RGS7BP: variants seen among roughly 807,000 people sequenced by gnomAD.
RGS7BP encodes regulator of G protein signaling 7 binding protein.
Under a neutral mutation model 31.3 loss-of-function variants are expected in RGS7BP, and 9 were observed. That is an observed-to-expected ratio of 0.29 (90% CI 0.17 to 0.50). RGS7BP has a LOEUF of 0.50. Among genes scored for constraint, RGS7BP ranks in the 20% least tolerant of loss-of-function variants. RGS7BP has a pLI of 0.98. For synonymous variants in RGS7BP, 115 were observed against 120.1 expected (o/e 0.96, Z 0.28); for missense variants, 274 against 322.0 (o/e 0.85, Z 1.14).
chr5:64,559,930 G>A (rs1054420683), intron 2 of RGS7BP, among the ~76,000 whole-genome samples: 12 of 152,062 alleles, frequency 7.9e-5, no homozygotes, highest in Non-Finnish European at 1.2e-4. Flanking sequence ...CAAAATCCTG[G>A]AAAAACACTC....
chr5:64,556,225 GCACTTTC>G (rs1741919241), intron 2 of RGS7BP, among the ~76,000 whole-genome samples: 1 of 151,526 alleles, frequency 6.6e-6, no homozygotes, highest in African/African-American at 2.4e-5. Context: ...AATTAAATTT[GCACTTTC>G]CTGATTACTA....
intron 2 of RGS7BP, among the ~76,000 whole-genome samples, chr5:64,538,518 C>A (rs1369661779): frequency 1.7e-5 from 1 of 60,572 alleles, no homozygotes; most frequent in Non-Finnish European, 3.5e-5. Flanking sequence ...TTTTTTTTTC[C>A]TTTTCTTTTC....
Position 64,569,812 on chromosome 5 carries a change from G to A in RGS7BP, c.333-5962G>A, listed in dbSNP as rs565666885. 9.6e-4 allele frequency among the ~76,000 whole-genome samples: 146 copies of A among 152,306 alleles called. 1 individual carries two copies. Among genetic ancestry groups the A allele is most frequent in the African/African-American group, 3.3e-3 (136 of 41,584 alleles). ...CCTGGAGCTCACTCTCCTTGGAGAAGTCATTTAATCCCTTTTCTTCCTATT... is the reference window on the plus strand; with the variant it reads ...CCTGGAGCTCACTCTCCTTGGAGAAATCATTTAATCCCTTTTCTTCCTATT... On this transcript the variant is annotated intron_variant, in intron 2 of 5. Coordinates refer to ENST00000334025, the MANE Select transcript of RGS7BP (RefSeq NM_001029875.3).
chr5:64,530,379 A>T (rs1210549824), intron 2 of RGS7BP, among the ~76,000 whole-genome samples: 1 of 152,238 alleles, frequency 6.6e-6, no homozygotes, highest in Non-Finnish European at 1.5e-5. Context: ...ATTGGCCTAG[A>T]ATGACAAAAA....
rs370389158 is a variant in RGS7BP, at chr5:64,565,197, T to C, written c.333-10577T>C. On this transcript the variant is annotated intron_variant, in intron 2 of 5. Transcript: ENST00000334025. ...GCTAGGCACTGTTATCCTCAATTTA[T>C]AGATAAGAAAACTAAGACTCAGGAG... Among the ~76,000 whole-genome samples, 37 of 152,186 alleles carry C rather than the reference T, an allele frequency of 2.4e-4. 1 individual carries two copies. The East Asian group carries it at 3.3e-3, about 14-fold the overall frequency.
rs2111991270 is a variant in RGS7BP at position 64,609,543 on chromosome 5, A to T, written c.*291A>T. ...CGCCATGACAGATGCAAGAATTATG[A>T]TTTTTAAATTATTTAAAGGTTTTTT... On this transcript the variant is annotated 3_prime_UTR_variant, in exon 6 of 6. Coordinates refer to ENST00000334025, the MANE Select transcript of RGS7BP (RefSeq NM_001029875.3). 3 of 327,352 alleles carry T rather than the reference A, an allele frequency of 9.2e-6. No individual in the cohort carries two copies. In the South Asian group the frequency reaches 1.5e-4, roughly 17 times the overall value. 20.3% of individuals were successfully genotyped at this position (327,352 alleles called of 1,614,324 possible). A position where few individuals can be genotyped will look rare whatever the true frequency, so the allele number is the denominator to read the frequency against.
chr5:64,602,147 G>C (rs1354874715), intron 5 of RGS7BP, among the ~76,000 whole-genome samples: 1 of 152,136 alleles, frequency 6.6e-6, no homozygotes, highest in Non-Finnish European at 1.5e-5. Flanking sequence ...ATCCAGAACC[G>C]AACCTGGCTG....
chr5:64,597,191 A>G (rs943115824), intron 4 of RGS7BP, among the ~76,000 whole-genome samples: 1 of 151,812 alleles, frequency 6.6e-6, no homozygotes, highest in East Asian at 1.9e-4. Flanking sequence ...TGTAGGGACA[A>G]TTGTCCCAAG....
intron 2 of RGS7BP, among the ~76,000 whole-genome samples, chr5:64,509,539 G>A (rs1748777401): frequency 6.6e-6 from 1 of 152,114 alleles, no homozygotes; most frequent in Admixed American, 6.5e-5. Context: ...AGTTGAGTTT[G>A]GAGGATTTCA....
intron 2 of RGS7BP, among the ~76,000 whole-genome samples, chr5:64,526,259 G>A (rs908283682): frequency 3.9e-5 from 6 of 152,186 alleles, no homozygotes; most frequent in African/African-American, 1.4e-4. Flanking sequence ...TTGTACAAAT[G>A]TAAGTTTGCT....
chr5:64,508,632 T>C (rs1202295287), intron 2 of RGS7BP, among the ~76,000 whole-genome samples: 1 of 152,244 alleles, frequency 6.6e-6, no homozygotes, highest in East Asian at 1.9e-4. Context: ...TAACAGTTCC[T>C]ATTTTCAAGA....
chr5:64,605,525 AG>A (rs1054151973), intron 5 of RGS7BP, among the ~76,000 whole-genome samples: 2 of 152,094 alleles, frequency 1.3e-5, no homozygotes, highest in African/African-American at 4.8e-5. Flanking sequence ...ATTTCCTTGG[AG>A]CTGAATTCAC....
At chr5:64,597,837 C>T (rs937311289) in intron 4 of RGS7BP, among the ~76,000 whole-genome samples, 5 of 152,060 alleles carry the variant, frequency 3.3e-5, no homozygotes, top group African/African-American at 1.2e-4. Flanking sequence ...ACAGACTTCA[C>T]CACTATGCAA....
Position 64,506,769 on chromosome 5 carries a change from G to A in RGS7BP, c.145G>A (p.Ala49Thr), listed in dbSNP as rs1378014144. ...GSESAHKTQR[A>T]LDDCKMLVQE... Reference sequence around the variant, plus strand: ...CGAGAGCGCCCACAAAACCCAACGAGCCCTGGACGACTGCAAGATGGTGGG... The same window carrying A: ...CGAGAGCGCCCACAAAACCCAACGAACCCTGGACGACTGCAAGATGGTGGG... The change falls in exon 1 of 6, where the codon GCC becomes ACC. Residue 49 changes from alanine to threonine, a missense_variant. Transcript: ENST00000334025. The surrounding 1 kb of genome is among the most constrained non-coding windows in gnomAD (Gnocchi z 4.6). 6.3e-6 allele frequency: 10 copies of A among 1,596,548 alleles called. No homozygotes were observed. Among genetic ancestry groups the A allele is most frequent in the African/African-American group, 1.4e-5 (1 of 74,050 alleles).
intron 2 of RGS7BP, among the ~76,000 whole-genome samples, chr5:64,522,826 G>A (rs1304614707): frequency 6.6e-6 from 1 of 152,182 alleles, no homozygotes; most frequent in Non-Finnish European, 1.5e-5. Context: ...TGTGAAGCGA[G>A]TTCAGATATC....
At chr5:64,575,934 T>A in intron 3 of RGS7BP, 30 bp downstream of exon 3, 1 of 1,593,804 alleles carries the variant, frequency 6.3e-7, no homozygotes, top group South Asian at 1.1e-5. Context: ...CCGGAAACAC[T>A]GAGGAATGTT....
chr5:64,584,573 C>T (rs1336899869), intron 3 of RGS7BP, among the ~76,000 whole-genome samples: 1 of 152,130 alleles, frequency 6.6e-6, no homozygotes, highest in Admixed American at 6.5e-5. Flanking sequence ...TTGAACGTAT[C>T]TTCTATTGTT....
At chr5:64,578,154 T>C (rs941081361) in intron 3 of RGS7BP, among the ~76,000 whole-genome samples, 2 of 152,236 alleles carry the variant, frequency 1.3e-5, no homozygotes, top group Non-Finnish European at 2.9e-5. Flanking sequence ...CAGTCACCTC[T>C]TAACTGAGCA....
At chr5:64,562,774 G>A (rs1742083917) in intron 2 of RGS7BP, among the ~76,000 whole-genome samples, 1 of 152,158 alleles carries the variant, frequency 6.6e-6, no homozygotes, top group East Asian at 1.9e-4. Context: ...AACCAGGTGA[G>A]CTGGTGGGTG....
Sources: allele counts gnomAD v4.1 joint callset (sites outside exome capture counted in the v4.1 genomes callset), GRCh38; gene constraint gnomAD v4.1.1; non-coding constraint Gnocchi (gnomAD v3.1); transcripts MANE v1.5; gene names NCBI Gene and HGNC (gene_info 2026-07-23, HGNC 2026-07-21).